GTF3C1: variants seen among roughly 807,000 people sequenced by gnomAD.
GTF3C1 encodes general transcription factor IIIC subunit 1.
In GTF3C1, 57 loss-of-function variants were observed where a neutral mutation model predicts 226.7. That is an observed-to-expected ratio of 0.25 (90% confidence interval 0.20 to 0.31). The LOEUF (loss-of-function observed/expected upper bound fraction) is 0.31. GTF3C1 is among the 10% of genes least tolerant of loss of function. GTF3C1 has a pLI of 1.00. For synonymous variants in GTF3C1, 1,090 were observed against 1,084.8 expected (o/e 1.00, Z -0.09); for missense variants, 2,217 against 2,776.1 (o/e 0.80, Z 4.53).
rs945310868 is a variant in GTF3C1, at chr16:27,461,825, T to C, written c.6118-263A>G. The C allele has an allele frequency of 3.6e-5, 18 of 503,458 alleles. No homozygotes were observed. The highest frequency in any genetic ancestry group is 5.3e-4 in the Middle Eastern group (1 of 1,894). 31.2% of individuals were successfully genotyped at this position (503,458 alleles called of 1,614,324 possible). A position where few individuals can be genotyped will look rare whatever the true frequency, so the allele number is the denominator to read the frequency against. ...GAATCTCATTTGTGGAGGAGAGGCC[T>C]GCAGCGCGGGATAAATCCCAGCTTC... On this transcript the variant is annotated intron_variant, in intron 36 of 36. Transcript: ENST00000356183. This position sits in a 1 kb window ranked among gnomAD's most constrained non-coding sequence, Gnocchi z 5.3.
intron 1 of GTF3C1, 32 bp from the exon 2 acceptor site, chr16:27,545,555 A>T: frequency 8.0e-7 from 1 of 1,247,276 alleles, no homozygotes; most frequent in Non-Finnish European, 1.2e-6. Context: ...TCAAAGCCCA[A>T]CTCAGCTTCA....
Position 27,505,935 on chromosome 16 carries a change from T to C in GTF3C1, c.1734A>G (p.Ile578Met), listed in dbSNP as rs1346613600. 1.9e-6 allele frequency: 3 copies of C among 1,612,698 alleles called. 1 individual carries two copies. The highest frequency in any genetic ancestry group is 3.3e-4 in the Middle Eastern group (2 of 6,060). ...CCATCCGGACCTCCTCGATCACAGC[T>C]ATGTCACCACTGTTGCTGTCCGCAC... ...SHCADSNSGD[I>M]AVIEEVRMEN... The change falls in exon 10 of 37, where the codon ATA becomes ATG. Residue 578 changes from isoleucine to methionine, a missense_variant. Ile to Met is a conservative substitution (Grantham distance 10). This residue lies in a region of GTF3C1 where 173 missense variants were observed against 207.2 expected (regional missense o/e 0.83). Coordinates refer to ENST00000356183, the MANE Select transcript of GTF3C1 (RefSeq NM_001520.4).
At chr16:27,465,238 G>C in intron 33 of GTF3C1, 22 bp downstream of exon 33, 1 of 1,610,446 alleles carries the variant, frequency 6.2e-7, no homozygotes, top group Non-Finnish European at 8.5e-7. Context: ...GTGATATCCG[G>C]CTAACCTAAA....
rs756009788 is a variant in GTF3C1, at chr16:27,488,618, C to G, written c.3447G>C (p.Glu1149Asp). Residue 1149 changes from glutamate (E) to aspartate (D), a missense_variant, in exon 22 of 37, where the codon GAG (glutamate) becomes GAC (aspartate). Transcript: ENST00000356183. The part of the protein sequence containing the change: ...NQAKKENTAA[E>D]NGLTVRLQTF... ...TCTGGAGCCTCACTGTGAGTCCATT[C>G]TCTGCGGCAGTGTTCTCCTGTGAGA... The G allele has an allele frequency of 1.3e-5, 21 of 1,613,174 alleles. No individual in the cohort carries two copies. The highest frequency in any genetic ancestry group is 1.7e-5 in the Non-Finnish European group (20 of 1,179,858).
At chr16:27,483,725 G>T (rs915289367) in intron 25 of GTF3C1, among the ~76,000 whole-genome samples, 2 of 152,220 alleles carry the variant, frequency 1.3e-5, no homozygotes, top group African/African-American at 2.4e-5. Context: ...ACACACACAA[G>T]GGCAGGGCAG....
intron 29 of GTF3C1, among the ~76,000 whole-genome samples, chr16:27,475,459 G>A (rs560778505): frequency 8.5e-5 from 13 of 152,134 alleles, no homozygotes; most frequent in African/African-American, 2.7e-4. Context: ...CAAAATGAAC[G>A]GGTCCTCCTT....
intron 4 of GTF3C1, among the ~76,000 whole-genome samples, chr16:27,534,428 G>A (rs1372351894): frequency 1.3e-5 from 2 of 151,842 alleles, no homozygotes; most frequent in Non-Finnish European, 1.5e-5. Context: ...ATGGGATCCA[G>A]AGACTACACC....
At position 27,546,513 on chromosome 16, in the gene GTF3C1, T is replaced by C. The variant is rs77287788; in HGVS notation, c.222-990A>G. On this transcript the variant is annotated intron_variant, in intron 1 of 36. Transcript: ENST00000356183. ...AAAAAAAAAAAAATACATACATATA[T>C]ATATATATAATTTTTTTTCCCCTCA... Among the ~76,000 whole-genome samples, 328 of 144,880 alleles carry C rather than the reference T, an allele frequency of 2.3e-3. 11 individuals are homozygous for C. The East Asian group carries it at 0.052, about 23-fold the overall frequency.
At chr16:27,526,009 T>C (rs1383609946) in intron 6 of GTF3C1, among the ~76,000 whole-genome samples, 1 of 152,204 alleles carries the variant, frequency 6.6e-6, no homozygotes, top group Non-Finnish European at 1.5e-5. Context: ...CCCAAAGCCC[T>C]GTGTTTTGGA....
intron 10 of GTF3C1, among the ~76,000 whole-genome samples, chr16:27,504,728 C>A (rs1414223986): frequency 6.6e-6 from 1 of 151,896 alleles, no homozygotes; most frequent in African/African-American, 2.4e-5. Flanking sequence ...CCAGCCTGGG[C>A]AACATGATGA....
At chr16:27,546,076 G>GAGATAT (rs1457769458) in intron 1 of GTF3C1, among the ~76,000 whole-genome samples, 1 of 152,104 alleles carries the variant, frequency 6.6e-6, no homozygotes, top group Non-Finnish European at 1.5e-5. Flanking sequence ...TCGAACTCCT[G>GAGATAT]ACCTCGGTGA....
Position 27,464,798 on chromosome 16 carries a change from G to A in GTF3C1, c.5394C>T (p.Gly1798=). ...CCATGGCTACCAGGCGCGCAGTGTT[G>A]CCACCGACCTCCAGCACCTGATGCT... ...LEQHQVLEVG[G]NTARLVAMGS... Residue 1798 remains glycine (G), a synonymous_variant, in exon 34 of 37, where the codon GGC becomes GGT. Coordinates refer to ENST00000356183, the MANE Select transcript of GTF3C1 (RefSeq NM_001520.4). 1 of 1,528,834 alleles carries A rather than the reference G, an allele frequency of 6.5e-7. No individual in the cohort carries two copies. Among genetic ancestry groups the A allele is most frequent in the Non-Finnish European group, 8.7e-7 (1 of 1,149,214 alleles). 94.7% of individuals were successfully genotyped at this position (1,528,834 alleles called of 1,614,324 possible).
rs2087870829 is a variant in GTF3C1 at position 27,471,580 on chromosome 16, C to T, written c.4526+168G>A. On this transcript the variant is annotated intron_variant, in intron 30 of 36. Transcript: ENST00000356183. The surrounding 1 kb of genome is among the most constrained non-coding windows in gnomAD (Gnocchi z 5.0). ...CAGCGCTCACCTGATCCCCATACCA[C>T]GAAGGAGGTAAGGGGCTGCAGGAAA... The T allele has an allele frequency of 1.0e-5, 6 of 601,888 alleles. No homozygotes were observed. Among genetic ancestry groups the T allele is most frequent in the South Asian group, 8.3e-5 (4 of 48,076 alleles). The allele number at this position is 601,888 out of a possible 1,614,324, so 37.3% of individuals were successfully genotyped here. A position where few individuals can be genotyped will look rare whatever the true frequency, so the allele number is the denominator to read the frequency against.
chr16:27,506,531 C>A (rs945045099), intron 9 of GTF3C1, among the ~76,000 whole-genome samples: 9 of 152,140 alleles, frequency 5.9e-5, no homozygotes, highest in African/African-American at 2.2e-4. Flanking sequence ...TTTTCTATAA[C>A]TAAACTAAAA....
At chr16:27,514,615 A>G (rs1208206949) in intron 6 of GTF3C1, among the ~76,000 whole-genome samples, 1 of 151,910 alleles carries the variant, frequency 6.6e-6, no homozygotes, top group Non-Finnish European at 1.5e-5. Flanking sequence ...TATGGCTCCT[A>G]ATAACACTAC....
At chr16:27,513,851 C>T (rs1354994109) in intron 6 of GTF3C1, among the ~76,000 whole-genome samples, 1 of 152,162 alleles carries the variant, frequency 6.6e-6, no homozygotes, top group African/African-American at 2.4e-5. Context: ...CTGACGCTGG[C>T]CCTGGAGCCC....
In GTF3C1 at chr16:27,463,899, C is replaced by T. The variant is rs568230407; in HGVS notation, c.5873-307G>A. ...CCCGACCACAAGGGTGGTATAAAAC[C>T]CGAGGCAAAAACACCCCAAAGAAAA... On this transcript the variant is annotated intron_variant, in intron 34 of 36. Coordinates refer to ENST00000356183, the MANE Select transcript of GTF3C1 (RefSeq NM_001520.4). This position sits in a 1 kb window ranked among gnomAD's most constrained non-coding sequence, Gnocchi z 4.9. 3 of 446,098 alleles carry T rather than the reference C, an allele frequency of 6.7e-6. No homozygotes were observed. Among genetic ancestry groups the T allele is most frequent in the South Asian group, 3.4e-5 (1 of 29,764 alleles). The allele number at this position is 446,098 out of a possible 1,614,324, so 27.6% of individuals were successfully genotyped here.
intron 24 of GTF3C1, 24 bp downstream of exon 24, chr16:27,485,973 C>A: frequency 6.5e-7 from 1 of 1,548,042 alleles, no homozygotes; most frequent in Non-Finnish European, 8.8e-7. Flanking sequence ...GGCAGGCCCA[C>A]CGCTGGGCTG....
chr16:27,540,068 C>T (rs559784114), intron 2 of GTF3C1, among the ~76,000 whole-genome samples: 3 of 152,254 alleles, frequency 2.0e-5, no homozygotes, highest in South Asian at 2.1e-4. Flanking sequence ...TGCCTAGTCA[C>T]GAGGTCCTGC....
Sources: allele counts gnomAD v4.1 joint callset (sites outside exome capture counted in the v4.1 genomes callset), GRCh38; gene constraint gnomAD v4.1.1; regional missense constraint gnomAD v4.1.1; non-coding constraint Gnocchi (gnomAD v3.1); transcripts MANE v1.5; gene names NCBI Gene and HGNC (gene_info 2026-07-23, HGNC 2026-07-21).